PCM1: variants seen among roughly 807,000 people sequenced by gnomAD.
PCM1 encodes pericentriolar material 1 protein.
Under a neutral mutation model 241.9 loss-of-function variants are expected in PCM1, and 157 were observed. The ratio of observed to expected loss-of-function variants is 0.65; its 90% CI spans 0.57 to 0.74. The LOEUF (loss-of-function observed/expected upper bound fraction) is 0.74. PCM1 is among the 30% of genes least tolerant of loss of function. The probability of loss-of-function intolerance (pLI) is 0.00; values close to 1 mark genes in which losing one functional copy is unlikely to be tolerated. For missense variants in PCM1, 3,478 were observed against 2,360.1 expected, an observed-to-expected ratio of 1.47 and a Z score of -9.81; for synonymous variants, 1,085 against 784.9, an observed-to-expected ratio of 1.38 and a Z score of -6.39.
At chr8:17,965,031 G>T (rs2074276210) in intron 18 of PCM1, among the ~76,000 whole-genome samples, 1 of 152,140 alleles carries the variant, frequency 6.6e-6, no homozygotes, top group Non-Finnish European at 1.5e-5. Context: ...AAATTTGGGA[G>T]TTCTTACAAT....
chr8:17,961,186 C>G (rs1162087267), intron 15 of PCM1, among the ~76,000 whole-genome samples: 1 of 151,260 alleles, frequency 6.6e-6, no homozygotes, highest in South Asian at 2.1e-4. Flanking sequence ...GGATCTTATA[C>G]ATGGGTCTTG....
Position 17,964,650 on chromosome 8 carries a change from G to T in PCM1, c.2737G>T (p.Val913Phe). Residue 913 changes from valine to phenylalanine, a missense_variant, in exon 18 of 39, where the codon GTT becomes TTT. By Grantham distance (50) the Val-to-Phe change is conservative. Coordinates refer to ENST00000325083, the MANE Select transcript of PCM1 (RefSeq NM_006197.4). ...AGACGGTTACCTTTCTGAAGGAATT[G>T]TTCGGACAGATGAAGAGGAGGAAGA... is the stretch of plus-strand genomic sequence containing the variant. ...DEDGYLSEGIVRTDEEEEEEQ... is the reference protein window; with the variant it reads ...DEDGYLSEGIFRTDEEEEEEQ... The T allele has an allele frequency of 6.2e-7, 1 of 1,613,946 alleles. No individual in the cohort carries two copies. The highest frequency in any genetic ancestry group is 2.2e-5 in the East Asian group (1 of 44,872).
rs765543264 is a variant in PCM1, at chr8:17,956,770, A to C, written c.1639A>C (p.Asn547His). The change falls in exon 11 of 39, where the codon AAC (asparagine) becomes CAC (histidine). Residue 547 changes from asparagine (N) to histidine (H), a missense_variant. Coordinates refer to ENST00000325083, the MANE Select transcript of PCM1 (RefSeq NM_006197.4). The stretch of plus-strand genomic sequence containing the variant: ...GCATGAAAATTCCGAGCCTGTTACT[A>C]ACATTCGGTAAGAACTTTTCTGGGG... ...SEHENSEPVT[N>H]IRNPQVASTW... The C allele has an allele frequency of 4.4e-6, 7 of 1,605,694 alleles. No homozygotes were observed.
chr8:18,023,933 CAG>C (rs2129488606), intron 36 of PCM1, among the ~76,000 whole-genome samples: 1 of 152,258 alleles, frequency 6.6e-6, no homozygotes, highest in South Asian at 2.1e-4. Context: ...GTAGTGGTTA[CAG>C]GATAATGCTA....
Position 17,986,067 on chromosome 8 carries a change from A to T in PCM1, c.4390A>T (p.Ser1464Cys). The T allele has an allele frequency of 6.3e-7, 1 of 1,591,396 alleles. No individual in the cohort carries two copies. Among genetic ancestry groups the T allele is most frequent in the East Asian group, 2.3e-5 (1 of 44,134 alleles). Residue 1464 changes from serine to cysteine, a missense_variant, in exon 26 of 39, where the codon AGC (serine) becomes TGC (cysteine). Coordinates refer to ENST00000325083, the MANE Select transcript of PCM1 (RefSeq NM_006197.4). ...ASNSELTPSE[S>C]LATTDDETFE... ...AAACTCAGAACTTACTCCTAGTGAG[A>T]GCCTTGCTACTACTGATGATGTAAG...
chr8:17,942,387 A>T (rs1045520726), intron 6 of PCM1, among the ~76,000 whole-genome samples: 4 of 151,714 alleles, frequency 2.6e-5, no homozygotes, highest in Non-Finnish European at 4.4e-5. Flanking sequence ...GAATCGCTTC[A>T]ACCTAGGAGG....
At chr8:17,938,297 T>C (rs2061020826) in intron 4 of PCM1, among the ~76,000 whole-genome samples, 1 of 152,204 alleles carries the variant, frequency 6.6e-6, no homozygotes, top group African/African-American at 2.4e-5. Context: ...AAAAATATTG[T>C]ATAAGATTAC....
At chr8:17,998,525 G>C (rs190379460) in intron 29 of PCM1, among the ~76,000 whole-genome samples, 9 of 152,286 alleles carry the variant, frequency 5.9e-5, no homozygotes, top group Admixed American at 5.2e-4. Context: ...TGGAATCTCT[G>C]TGTTGAAATG....
intron 37 of PCM1, 42 bp from the exon 38 acceptor site, chr8:18,025,502 T>C (rs1418691500): frequency 1.3e-6 from 2 of 1,527,290 alleles, no homozygotes; most frequent in East Asian, 4.5e-5. Flanking sequence ...CAAATACTGT[T>C]AAAATGAAAA....
intron 27 of PCM1, among the ~76,000 whole-genome samples, chr8:17,991,294 G>C (rs1016226051): frequency 6.6e-6 from 1 of 152,152 alleles, no homozygotes; most frequent in African/African-American, 2.4e-5. Context: ...TGAACTGTCT[G>C]TGAAAGCTTG....
intron 2 of PCM1, among the ~76,000 whole-genome samples, chr8:17,930,588 T>C (rs772976009): frequency 5.3e-5 from 8 of 151,792 alleles, no homozygotes; most frequent in South Asian, 2.1e-4. Flanking sequence ...TGGGAAATGT[T>C]GTGAATGTGG....
At position 18,017,448 on chromosome 8, in the gene PCM1, G is replaced by GA. The variant is rs35412953; in HGVS notation, c.5841+2615dup. 7.9e-3 allele frequency among the ~76,000 whole-genome samples: 1,210 copies of GA among 152,254 alleles called. 11 individuals carry two copies. Among genetic ancestry groups the GA allele is most frequent in the African/African-American group, 0.028 (1,155 of 41,528 alleles). On this transcript the variant is annotated intron_variant, in intron 36 of 38. Coordinates refer to ENST00000325083, the MANE Select transcript of PCM1 (RefSeq NM_006197.4). Reference sequence around the variant, plus strand: ...ACATTTTGAGAGAACATTAGAACTAGAAAAAAATCAGTTTCTGTAAAGAGG... The same window carrying GA: ...ACATTTTGAGAGAACATTAGAACTAGAAAAAAAATCAGTTTCTGTAAAGAGG...
At chr8:18,006,009 A>T in intron 29 of PCM1, 1 of 352,852 alleles carries the variant, frequency 2.8e-6, no homozygotes, top group Non-Finnish European at 5.1e-6. Context: ...AGTGCTGAAA[A>T]GTACTGGATC....
intron 6 of PCM1, among the ~76,000 whole-genome samples, chr8:17,941,114 C>A (rs760224446): frequency 2.0e-5 from 3 of 152,074 alleles, no homozygotes; most frequent in Non-Finnish European, 4.4e-5. Flanking sequence ...ACTTAGAGAG[C>A]CTGATCCAAA....
chr8:17,945,423 ATGCT>A (rs1318030431), intron 6 of PCM1, among the ~76,000 whole-genome samples: 1 of 152,184 alleles, frequency 6.6e-6, no homozygotes, highest in African/African-American at 2.4e-5. Flanking sequence ...TTTGTTTCCC[ATGCT>A]CATGAAGTCT....
At position 18,026,165 on chromosome 8, in the gene PCM1, G is replaced by GAAAAAAAAA. The variant is rs1588876179; in HGVS notation, c.6049+510_6049+511insAAAAAAAAA. Among the ~76,000 whole-genome samples, 6 of 3,574 alleles carry GAAAAAAAAA rather than the reference G, an allele frequency of 1.7e-3. 3 individuals carry two copies. The highest frequency in any genetic ancestry group is 3.5e-3 in the African/African-American group (6 of 1,734). The allele number at this position is 3,574 out of a possible 152,430, so 2.3% of individuals were successfully genotyped here. A position where few individuals can be genotyped will look rare whatever the true frequency, so the allele number is the denominator to read the frequency against. On this transcript the variant is annotated intron_variant, in intron 38 of 38. Coordinates refer to ENST00000325083, the MANE Select transcript of PCM1 (RefSeq NM_006197.4). ...GGTGAAAGAGCGAGACTCCCTCTCT[G>GAAAAAAAAA]AAACAAAAAAAAAAAAAAAAAAAAA...
chr8:17,947,461 G>T, intron 7 of PCM1, 98 bp downstream of exon 7: 1 of 889,382 alleles, frequency 1.1e-6, no homozygotes, highest in Middle Eastern at 2.4e-4. Flanking sequence ...GATCTTGATT[G>T]TTGTCTAGTT....
At position 18,013,959 on chromosome 8, in the gene PCM1, T is replaced by C; in HGVS notation, c.5512-5T>C. On this transcript the variant is annotated splice_polypyrimidine_tract_variant and splice_region_variant and intron_variant, in intron 34 of 38. Transcript: ENST00000325083. Reference sequence around the variant, plus strand: ...CCCTGCTATTAAAACATTTTTCCCTTCTAGGTCCTACAACGTGACTTTAAA... The same window carrying C: ...CCCTGCTATTAAAACATTTTTCCCTCCTAGGTCCTACAACGTGACTTTAAA... 3.8e-6 allele frequency: 6 copies of C among 1,584,848 alleles called. No homozygotes were observed. The highest frequency in any genetic ancestry group is 5.2e-6 in the Non-Finnish European group (6 of 1,160,382).
At chr8:18,018,236 C>T (rs2093413169) in intron 36 of PCM1, among the ~76,000 whole-genome samples, 1 of 152,128 alleles carries the variant, frequency 6.6e-6, no homozygotes, top group African/African-American at 2.4e-5. Flanking sequence ...GCTTCCTGAC[C>T]CTTCTAAACC....
Sources: allele counts gnomAD v4.1 joint callset (sites outside exome capture counted in the v4.1 genomes callset), GRCh38; gene constraint gnomAD v4.1.1; transcripts MANE v1.5; gene names NCBI Gene and HGNC (gene_info 2026-07-23, HGNC 2026-07-21).